The following MTM1 variants were observed in gnomAD, a reference collection of about 807,000 sequenced individuals.
MTM1 encodes the protein myotubularin 1, also known as myotubularin.
Under a neutral mutation model 52.1 loss-of-function variants are expected in MTM1, and 9 were observed. That is an observed-to-expected ratio of 0.17 (90% CI 0.10 to 0.30). The LOEUF is 0.30. Among genes scored for constraint, MTM1 ranks in the 10% least tolerant of loss-of-function variants. The pLI, the probability that MTM1 is intolerant of heterozygous loss-of-function variation, is 1.00. For synonymous variants in MTM1, 136 were observed against 163.8 expected, an observed-to-expected ratio of 0.83 and a Z score of 1.29; for missense variants, 277 against 470.7, an observed-to-expected ratio of 0.59 and a Z score of 3.81.
In MTM1 at chrX:150,671,748, C is replaced by T; in HGVS notation, c.*153C>T. The T allele has an allele frequency of 1.7e-6, 1 of 604,721 alleles. No individual in the cohort carries two copies. Among genetic ancestry groups the T allele is most frequent in the Non-Finnish European group, 2.5e-6 (1 of 392,696 alleles). The allele number at this position is 604,721 out of a possible 1,213,427, so 49.8% of individuals were successfully genotyped here. A position where few individuals can be genotyped will look rare whatever the true frequency, so the allele number is the denominator to read the frequency against. On this transcript the variant is annotated 3_prime_UTR_variant, in exon 15 of 15. Transcript: ENST00000370396. ...TCTTGAATATGTGCCTTCTAGAATA[C>T]ATATTACAAGAAAACTACAGGGTCC...
At chrX:150,647,783 C>G (rs1262548355) in intron 9 of MTM1, among the ~76,000 whole-genome samples, 4 of 111,910 alleles carry the variant, frequency 3.6e-5, no homozygotes, top group Non-Finnish European at 7.5e-5. Flanking sequence ...CAACAAGCAA[C>G]GGCACATCAT....
intron 4 of MTM1, among the ~76,000 whole-genome samples, chrX:150,603,155 A>G (rs1247199876): frequency 8.9e-6 from 1 of 112,068 alleles, no homozygotes; most frequent in African/African-American, 3.2e-5. Flanking sequence ...CCGTGTCTAT[A>G]TGGTACTTTT....
Position 150,575,166 on chromosome X carries a change from A to G in MTM1, c.-11+6504A>G, listed in dbSNP as rs150435996. ...TTCTTTCTTGAGGGGAACTTCAAAG[A>G]ACTCGAGGAATGCCTCTTTCTTCTC... On this transcript the variant is annotated intron_variant, in intron 1 of 14. Coordinates refer to ENST00000370396, the MANE Select transcript of MTM1 (RefSeq NM_000252.3). Among the ~76,000 whole-genome samples, 925 of 112,619 alleles carry G rather than the reference A, an allele frequency of 8.2e-3. 9 individuals carry two copies. The highest frequency in any genetic ancestry group is 0.028 in the African/African-American group (865 of 31,021).
At chrX:150,608,355 A>G (rs1230469319) in intron 4 of MTM1, among the ~76,000 whole-genome samples, 4 of 110,652 alleles carry the variant, frequency 3.6e-5, no homozygotes, top group Non-Finnish European at 5.7e-5. Flanking sequence ...AGTAGCTAGG[A>G]CTATAGCTGC....
chrX:150,586,254 C>T (rs782114532), intron 1 of MTM1, among the ~76,000 whole-genome samples: 2 of 112,019 alleles, frequency 1.8e-5, no homozygotes, highest in South Asian at 7.4e-4. Flanking sequence ...AGCTCTAATG[C>T]TTCTGTTACA....
intron 10 of MTM1, among the ~76,000 whole-genome samples, chrX:150,655,887 A>G (rs1176218615): frequency 8.9e-6 from 1 of 112,197 alleles, no homozygotes; most frequent in African/African-American, 3.2e-5. Flanking sequence ...TCCATTGTTT[A>G]TAAAGTATGT....
At chrX:150,595,788 C>T (rs187894920) in intron 2 of MTM1, among the ~76,000 whole-genome samples, 14 of 112,449 alleles carry the variant, frequency 1.2e-4, no homozygotes, top group African/African-American at 4.5e-4. Context: ...CTGTGCCCAC[C>T]TAGCAGAGCT....
chrX:150,657,430 C>T (rs2040137697), intron 10 of MTM1, among the ~76,000 whole-genome samples: 1 of 99,672 alleles, frequency 1.0e-5, no homozygotes, highest in Non-Finnish European at 2.0e-5. Flanking sequence ...ACAATGAGAA[C>T]ATTTGGACAC....
rs1292334745 is a variant in MTM1 at position 150,652,616 on chromosome X, CAT to C, written c.1053+2723_1053+2724del. On this transcript the variant is annotated intron_variant, in intron 10 of 14. Coordinates refer to ENST00000370396, the MANE Select transcript of MTM1 (RefSeq NM_000252.3). Reference sequence around the variant, plus strand: ...TTATATATATATACATATATATATACATATATATACATATATATACGTGTGTG... The same window carrying C: ...TTATATATATATACATATATATATACATATATACATATATATACGTGTGTG... 1.0e-3 allele frequency among the ~76,000 whole-genome samples: 85 copies of C among 84,502 alleles called. 1 individual carries two copies. The highest frequency in any genetic ancestry group is 2.0e-3 in the Admixed American group (14 of 7,084). 73.4% of individuals were successfully genotyped at this position (84,502 alleles called of 115,157 possible).
In MTM1 at chrX:150,662,386, C is replaced by T. The variant is rs181460413; in HGVS notation, c.1468-1047C>T. On this transcript the variant is annotated intron_variant, in intron 13 of 14. Coordinates refer to ENST00000370396, the MANE Select transcript of MTM1 (RefSeq NM_000252.3). ...TCACCCAGGCTGGAGTGCTGTGGCG[C>T]GATCACGGCTCACTGCAACCTCTGC... 8.9e-5 allele frequency among the ~76,000 whole-genome samples: 10 copies of T among 111,735 alleles called. No individual in the cohort carries two copies. The East Asian group carries it at 1.7e-3, about 19-fold the overall frequency.
chrX:150,629,329 T>A (rs782120154), intron 6 of MTM1, among the ~76,000 whole-genome samples: 2 of 112,171 alleles, frequency 1.8e-5, no homozygotes, highest in Admixed American at 1.9e-4. Context: ...CAGAGTTGTC[T>A]TATCCTTCCA....
chrX:150,584,275 A>G (rs2038741545), intron 1 of MTM1, among the ~76,000 whole-genome samples: 1 of 108,966 alleles, frequency 9.2e-6, no homozygotes, highest in Non-Finnish European at 1.9e-5. Context: ...GAACACAACT[A>G]TATGCATCAA....
chrX:150,657,301 G>A (rs1199644172), intron 10 of MTM1, among the ~76,000 whole-genome samples: 1 of 111,210 alleles, frequency 9.0e-6, no homozygotes, highest in Non-Finnish European at 1.9e-5. Context: ...CCATAAAACA[G>A]GATGAGTTCA....
In MTM1 at chrX:150,598,748, C is replaced by A. The variant is rs782319591; in HGVS notation, c.231+62C>A. Reference sequence around the variant, plus strand: ...TGTTAAAGATAATGCTAAATTGTTTCTCTTCTACTTTGCAAGATTGACTGT... The same window carrying A: ...TGTTAAAGATAATGCTAAATTGTTTATCTTCTACTTTGCAAGATTGACTGT... On this transcript the variant is annotated intron_variant, in intron 4 of 14. Transcript: ENST00000370396. 1.5e-4 allele frequency: 117 copies of A among 786,326 alleles called. No homozygotes were observed. In the African/African-American group the frequency reaches 2.2e-3, roughly 15 times the overall value. 64.8% of individuals were successfully genotyped at this position (786,326 alleles called of 1,213,427 possible). A position where few individuals can be genotyped will look rare whatever the true frequency, so the allele number is the denominator to read the frequency against.
At chrX:150,670,778 TGAG>T (rs1278387383) in intron 14 of MTM1, among the ~76,000 whole-genome samples, 1 of 110,905 alleles carries the variant, frequency 9.0e-6, no homozygotes, top group Non-Finnish European at 1.9e-5. Flanking sequence ...CATATGTGCT[TGAG>T]GAGATGTGTA....
At chrX:150,627,105 C>T (rs188496068) in intron 6 of MTM1, among the ~76,000 whole-genome samples, 84 of 111,438 alleles carry the variant, frequency 7.5e-4, no homozygotes, top group African/African-American at 2.6e-3. Context: ...GAATTCCCCG[C>T]TCGCATCCAT....
intron 6 of MTM1, among the ~76,000 whole-genome samples, chrX:150,630,292 A>G (rs2039644896): frequency 9.0e-6 from 1 of 111,239 alleles, no homozygotes; most frequent in South Asian, 3.8e-4. Context: ...GGGTTTCGCC[A>G]TGTTGGCCAG....
intron 4 of MTM1, among the ~76,000 whole-genome samples, chrX:150,600,472 A>G (rs2039049920): frequency 8.9e-6 from 1 of 112,027 alleles, no homozygotes; most frequent in African/African-American, 3.2e-5. Flanking sequence ...GCCAGACAAA[A>G]TGTAACAATA....
intron 1 of MTM1, among the ~76,000 whole-genome samples, chrX:150,569,570 G>T (rs1156233095): frequency 1.8e-5 from 2 of 111,461 alleles, no homozygotes; most frequent in Admixed American, 9.5e-5. Context: ...GGGAACTGAG[G>T]CCCAGAGAGG....
Sources: allele counts gnomAD v4.1 joint callset (sites outside exome capture counted in the v4.1 genomes callset), GRCh38; gene constraint gnomAD v4.1.1; transcripts MANE v1.5; gene names NCBI Gene and HGNC (gene_info 2026-07-23, HGNC 2026-07-21).